KCNMB3: variants seen among roughly 807,000 people sequenced by gnomAD.
KCNMB3 encodes calcium-activated potassium channel subunit beta-3.
KCNMB3 carries 18 observed loss-of-function variants against 11.9 expected under a neutral mutation model. The ratio of observed to expected loss-of-function variants is 1.51; its 90% CI spans 1.04 to 2.23. The LOEUF (loss-of-function observed/expected upper bound fraction) is 2.23, where lower values mean the gene tolerates loss of function less well. KCNMB3 is among the 30% of genes most tolerant of loss of function. KCNMB3 has a pLI of 0.00. For synonymous variants in KCNMB3, 78 were observed against 119.2 expected, an observed-to-expected ratio of 0.65 and a Z score of 2.25; for missense variants, 247 against 329.4, an observed-to-expected ratio of 0.75 and a Z score of 1.94.
downstream of KCNMB3, chr3:179,240,310 T>C: frequency 2.4e-6 from 1 of 421,248 alleles, no homozygotes; most frequent in Non-Finnish European, 4.2e-6. Context: ...GTGATGAATA[T>C]TAAAGGAATG....
chr3:179,251,064 CA>C lies in KCNMB3; in HGVS notation c.-75del, dbSNP rs375954929. On this transcript the variant is annotated 5_prime_UTR_variant, in exon 1 of 3. An upstream open reading frame in the 5' UTR loses its in-frame stop. Coordinates refer to ENST00000392685, the MANE Select transcript of KCNMB3 (RefSeq NM_171830.2). ...TGTCTCGTGAGCAGGATGAATGCAA[CA>C]AAATGAAATCCCAGTTCAGAGCTTG... 1.2e-6 allele frequency: 2 copies of C among 1,614,138 alleles called. No homozygotes were observed. The highest frequency in any genetic ancestry group is 4.5e-5 in the East Asian group (2 of 44,890).
chr3:179,239,922 T>A, downstream of KCNMB3: 1 of 868,564 alleles, frequency 1.2e-6, no homozygotes, highest in South Asian at 1.5e-5. Context: ...TATAGAATAA[T>A]AACAGTATCA....
chr3:179,257,415 CCTTT>C (rs1726048548), intron 1 of KCNMB3, among the ~76,000 whole-genome samples: 1 of 152,040 alleles, frequency 6.6e-6, no homozygotes, highest in African/African-American at 2.4e-5. Flanking sequence ...AAGGTACATT[CCTTT>C]GTGATTTTAT....
chr3:179,244,644 C>A lies in KCNMB3; in HGVS notation c.298G>T (p.Asp100Tyr). Residue 100 changes from aspartate to tyrosine, a missense_variant, in exon 2 of 3, where the codon GAC becomes TAC. By Grantham distance (160) the Asp-to-Tyr change is radical. Around this residue, in one of 2 missense-constraint regions of KCNMB3, gnomAD observed 160 missense variants for 157.5 expected, o/e 1.02. Transcript: ENST00000392685. The part of the protein sequence containing the change: ...TCTAIHTDIM[D>Y]DWLDCAFTCG... Reference sequence around the variant, plus strand: ...GTGAAGGCACAGTCCAGCCAGTCGTCCATGATATCTGTGTGGATGGCAGTG... The same window carrying A: ...GTGAAGGCACAGTCCAGCCAGTCGTACATGATATCTGTGTGGATGGCAGTG... 1 of 1,614,092 alleles carries A rather than the reference C, an allele frequency of 6.2e-7. No individual in the cohort carries two copies. The highest frequency in any genetic ancestry group is 8.5e-7 in the Non-Finnish European group (1 of 1,180,012).
At chr3:179,257,634 G>T (rs1214490022) in intron 1 of KCNMB3, among the ~76,000 whole-genome samples, 1 of 152,158 alleles carries the variant, frequency 6.6e-6, no homozygotes, top group Non-Finnish European at 1.5e-5. Flanking sequence ...GTTTGCACAA[G>T]AACAAGTAAC....
intron 1 of KCNMB3, among the ~76,000 whole-genome samples, chr3:179,258,271 T>C (rs1281102947): frequency 2.6e-5 from 4 of 152,244 alleles, no homozygotes; most frequent in Non-Finnish European, 5.9e-5. Context: ...AAAAAATCTT[T>C]AAACTTTGTA....
At chr3:179,243,406 G>A in intron 2 of KCNMB3, 122 bp from the exon 3 acceptor site, 1 of 646,454 alleles carries the variant, frequency 1.5e-6, no homozygotes, top group Non-Finnish European at 2.8e-6. Flanking sequence ...ATCTTAGAAG[G>A]TGGTAAAATA....
intron 1 of KCNMB3, chr3:179,260,802 C>A (rs1472344401): frequency 7.3e-7 from 1 of 1,365,080 alleles, no homozygotes; most frequent in Admixed American, 1.7e-5. Context: ...TTTTTCTCTT[C>A]GTACTGCCGC....
intron 1 of KCNMB3, 137 bp from the exon 2 acceptor site, chr3:179,244,830 G>T (rs1288699858): frequency 1.1e-5 from 8 of 730,082 alleles, no homozygotes; most frequent in African/African-American, 1.1e-4. Flanking sequence ...GGTGGTGCAG[G>T]ATCCTTACAG....
intron 1 of KCNMB3, among the ~76,000 whole-genome samples, chr3:179,262,351 G>GT (rs1726241797): frequency 6.6e-6 from 1 of 152,214 alleles, no homozygotes; most frequent in South Asian, 2.1e-4. Context: ...GACCTTCGCA[G>GT]TGAGTGTTAT....
chr3:179,263,713 T>C (rs976980031), intron 1 of KCNMB3, among the ~76,000 whole-genome samples: 4 of 152,104 alleles, frequency 2.6e-5, no homozygotes, highest in African/African-American at 9.7e-5. Context: ...GATTGTGCAC[T>C]TGGTTTGCTG....
At chr3:179,240,073 T>TAA, downstream of KCNMB3, 85 of 1,215,718 alleles carry the variant, frequency 7.0e-5, no homozygotes, top group Middle Eastern at 2.1e-4. Context: ...CGCTGTTTAT[T>TAA]AAAAAAAAAA....
At chr3:179,252,898 A>T (rs1725894336), upstream of KCNMB3, among the ~76,000 whole-genome samples, 1 of 151,624 alleles carries the variant, frequency 6.6e-6, no homozygotes, top group South Asian at 2.1e-4. Context: ...CGCCCGGCTA[A>T]TTTTTGTATT....
At chr3:179,261,209 A>G in intron 1 of KCNMB3, 1 of 1,358,526 alleles carries the variant, frequency 7.4e-7, no homozygotes, top group African/African-American at 1.5e-5. Context: ...GGCCTCCGCC[A>G]GCCTCTGCGC....
At chr3:179,263,708 T>G (rs965915020) in intron 1 of KCNMB3, among the ~76,000 whole-genome samples, 1 of 152,098 alleles carries the variant, frequency 6.6e-6, no homozygotes, top group Non-Finnish European at 1.5e-5. Context: ...GTAATGATTG[T>G]GCACTTGGTT....
intron 1 of KCNMB3, chr3:179,259,421 G>A: frequency 6.2e-7 from 1 of 1,604,324 alleles, no homozygotes; most frequent in Non-Finnish European, 8.5e-7. Context: ...AATCTAATGT[G>A]TCTCTACCAG....
intron 2 of KCNMB3, among the ~76,000 whole-genome samples, chr3:179,243,645 T>A (rs1725538544): frequency 6.6e-6 from 1 of 152,196 alleles, no homozygotes; most frequent in African/African-American, 2.4e-5. Flanking sequence ...CACTATGAGC[T>A]TTCAACGCTT....
chr3:179,266,677 G>A, exon 1 of KCNMB3: 1 of 1,614,218 alleles, frequency 6.2e-7, no homozygotes, highest in Middle Eastern at 1.6e-4. Flanking sequence ...CTGCCCTGAA[G>A]TGTGATTTGC....
Position 179,251,022 on chromosome 3 carries a change from C to T in KCNMB3, c.-32G>A. 1.2e-6 allele frequency: 2 copies of T among 1,614,210 alleles called. No individual in the cohort carries two copies. Among genetic ancestry groups the T allele is most frequent in the South Asian group, 1.1e-5 (1 of 91,078 alleles). ...TCCATGGGGACTGGAGGGATAATCTCATTTGCTGCCTACCTGTGTCTCGTG... is the reference window on the plus strand; with the variant it reads ...TCCATGGGGACTGGAGGGATAATCTTATTTGCTGCCTACCTGTGTCTCGTG... On this transcript the variant is annotated 5_prime_UTR_variant, in exon 1 of 3. The change abolishes an upstream ATG in the 5' untranslated region. Transcript: ENST00000392685.
Sources: gnomAD v4.1 joint callset for allele counts (sites outside exome capture counted in the v4.1 genomes callset) on GRCh38, gnomAD v4.1.1 for gene constraint, gnomAD v4.1.1 regional missense constraint, MANE v1.5 for transcripts, NCBI Gene and HGNC (gene_info 2026-07-23, HGNC 2026-07-21) for gene names.